REXO5: variants seen among roughly 807,000 people sequenced by gnomAD.
The protein encoded by REXO5 is RNA exonuclease 5.
In REXO5, 48 loss-of-function variants were observed where a neutral mutation model predicts 88.5. The observed-to-expected ratio is 0.54, with a 90% CI of 0.43 to 0.69. REXO5 has a LOEUF of 0.69. REXO5 is among the 30% of genes least tolerant of loss of function. The pLI is 0.00. For synonymous variants in REXO5, 311 were observed against 336.5 expected, an observed-to-expected ratio of 0.92 and a Z score of 0.83; for missense variants, 749 against 912.2, an observed-to-expected ratio of 0.82 and a Z score of 2.30.
intron 6 of REXO5, among the ~76,000 whole-genome samples, chr16:20,823,194 C>G (rs1251344067): frequency 6.6e-6 from 1 of 152,156 alleles, no homozygotes; most frequent in African/African-American, 2.4e-5. Flanking sequence ...AGAGAACTGT[C>G]TATTCAGATC....
intron 18 of REXO5, 92 bp from the exon 19 acceptor site, chr16:20,846,129 T>C: frequency 2.0e-6 from 2 of 985,050 alleles, no homozygotes; most frequent in Admixed American, 3.5e-5. Context: ...TGGAATCCCA[T>C]AGCCTTAGAG....
intron 13 of REXO5, 83 bp from the exon 14 acceptor site, chr16:20,839,672 G>T: frequency 2.4e-6 from 2 of 845,966 alleles, no homozygotes; most frequent in Middle Eastern, 2.5e-4. Flanking sequence ...GACAACTACT[G>T]TTTATATTAT....
At chr16:20,811,498 AT>A (rs569011351) in intron 2 of REXO5, among the ~76,000 whole-genome samples, 4 of 152,170 alleles carry the variant, frequency 2.6e-5, no homozygotes, top group East Asian at 1.9e-4. Flanking sequence ...ATTAAAATTG[AT>A]TTTTTTTAAC....
chr16:20,832,824 G>C (rs2081367085), intron 12 of REXO5, among the ~76,000 whole-genome samples, 179 bp from the exon 13 acceptor site: 2 of 152,122 alleles, frequency 1.3e-5, no homozygotes, highest in Admixed American at 6.5e-5. Flanking sequence ...TCGTTTGGTA[G>C]CTGCTAGTCA....
At chr16:20,827,480 G>T in intron 10 of REXO5, 33 bp downstream of exon 10, 1 of 1,479,042 alleles carries the variant, frequency 6.8e-7, no homozygotes, top group South Asian at 1.2e-5. Flanking sequence ...ATATTGTTCT[G>T]ACAAACTGCA....
intron 5 of REXO5, among the ~76,000 whole-genome samples, chr16:20,820,524 ATATATATATATATATATATATTTTTTT>A (rs2081155799): frequency 1.4e-3 from 5 of 3,468 alleles, no homozygotes; most frequent in South Asian, 0.014. Flanking sequence ...ATATATATAT[ATATATATATATATATATATATTTTTTT>A]TTTTTTTTTT....
intron 13 of REXO5, 126 bp downstream of exon 13, chr16:20,833,249 G>T: frequency 1.0e-6 from 1 of 994,008 alleles, no homozygotes; most frequent in Admixed American, 2.8e-5. Flanking sequence ...AGCCTGGCTT[G>T]TGTCTCACAT....
chr16:20,835,533 C>T (rs1427194711), intron 13 of REXO5, among the ~76,000 whole-genome samples: 2 of 152,128 alleles, frequency 1.3e-5, no homozygotes, highest in Non-Finnish European at 2.9e-5. Flanking sequence ...CTAATCCCTA[C>T]TCAACTGAAT....
chr16:20,840,417 T>C lies in REXO5; in HGVS notation c.1575T>C (p.Phe525=). 6.3e-7 allele frequency: 1 copy of C among 1,581,584 alleles called. No homozygotes were observed. Among genetic ancestry groups the C allele is most frequent in the Middle Eastern group, 1.7e-4 (1 of 5,954 alleles). ...ATCTCAGGGCTCTGAAGAGGCTGTT[T>C]AAAAGCTTTGGCCCAGTCCAGTCAA... ...NCNLRALKRL[F]KSFGPVQSMT... Residue 525 remains phenylalanine (F), a synonymous_variant, in exon 15 of 20, where the codon TTT becomes TTC. Coordinates refer to ENST00000261377, the MANE Select transcript of REXO5 (RefSeq NM_030941.3).
intron 19 of REXO5, among the ~76,000 whole-genome samples, chr16:20,848,095 A>G (rs1269158758): frequency 6.6e-6 from 1 of 152,196 alleles, no homozygotes; most frequent in Non-Finnish European, 1.5e-5. Context: ...TAAAAGTCAC[A>G]TTCTGATTTC....
intron 15 of REXO5, among the ~76,000 whole-genome samples, chr16:20,843,336 C>T (rs1348445724): frequency 6.6e-6 from 1 of 152,098 alleles, no homozygotes; most frequent in African/African-American, 2.4e-5. Flanking sequence ...CTTTTTGACA[C>T]TGCTGTTAGT....
intron 10 of REXO5, 113 bp from the exon 11 acceptor site, chr16:20,828,322 A>G (rs2081287923): frequency 1.5e-6 from 1 of 681,628 alleles, no homozygotes; most frequent in Non-Finnish European, 2.5e-6. Context: ...TTGTGATGCA[A>G]ATCTAATTAT....
At chr16:20,838,873 T>C (rs1027184936) in intron 13 of REXO5, among the ~76,000 whole-genome samples, 3 of 152,180 alleles carry the variant, frequency 2.0e-5, no homozygotes, top group African/African-American at 7.2e-5. Flanking sequence ...AGCCATATTA[T>C]GTCAGATAGG....
Position 20,816,205 on chromosome 16 carries a change from A to G in REXO5, c.468A>G (p.Thr156=), listed in dbSNP as rs1373920270. 6.2e-7 allele frequency: 1 copy of G among 1,611,602 alleles called. No homozygotes were observed. The highest frequency in any genetic ancestry group is 8.5e-7 in the Non-Finnish European group (1 of 1,177,890). ...AAAGAGCTGGAGATCTGCCCAAGAC[A>G]ATGGAAGGTATAGCTATGATGCTGG... The part of the protein sequence containing the change: ...TEQRAGDLPK[T]MEGPLPSNAK... The change falls in exon 5 of 20, where the codon ACA becomes ACG. Residue 156 remains threonine, a synonymous_variant. Transcript: ENST00000261377.
intron 3 of REXO5, 42 bp downstream of exon 3, chr16:20,813,344 C>CTTTTTTTTTTTTTTTTTTTTTTTTTT (rs56875427): frequency 3.9e-6 from 2 of 511,286 alleles, no homozygotes; most frequent in Non-Finnish European, 3.2e-6. Context: ...CCAGCGGTTT[C>CTTTTTTTTTTTTTTTTTTTTTTTTTT]TTTTTTTTTT....
chr16:20,848,241 T>C (rs901046805), intron 19 of REXO5, among the ~76,000 whole-genome samples: 13 of 137,784 alleles, frequency 9.4e-5, no homozygotes, highest in African/African-American at 3.8e-4. Context: ...TTGGGAAACG[T>C]TGGGGAAAAA....
chr16:20,822,743 C>T (rs1344323388), intron 6 of REXO5, among the ~76,000 whole-genome samples: 5 of 152,210 alleles, frequency 3.3e-5, no homozygotes, highest in Non-Finnish European at 5.9e-5. Context: ...TGTATCAGTA[C>T]TACATTTATT....
In REXO5 at chr16:20,846,248, G is replaced by A; in HGVS notation, c.2152G>A (p.Ala718Thr). Residue 718 changes from alanine (A) to threonine (T), a missense_variant, in exon 19 of 20, where the codon GCA becomes ACA. Coordinates refer to ENST00000261377, the MANE Select transcript of REXO5 (RefSeq NM_030941.3). ...TCTGAAACTGGACCACCCGAAGATA[G>A]CAGCCTGGCGCTGGAGCCGGAAGAT... ...QTLKLDHPKIAAWRWSRKIGK... is the reference protein window; with the variant it reads ...QTLKLDHPKITAWRWSRKIGK... 4 of 1,614,054 alleles carry A rather than the reference G, an allele frequency of 2.5e-6. No homozygotes were observed. The highest frequency in any genetic ancestry group is 3.4e-6 in the Non-Finnish European group (4 of 1,179,942).
rs552604740 is a variant in REXO5 at position 20,823,610 on chromosome 16, C to G, written c.617-829C>G. ...CTCTGGGATAGACCATCTTTTGATT[C>G]TTTTCATTGCGATTAGTTGGAAATT... On this transcript the variant is annotated intron_variant, in intron 6 of 19. Coordinates refer to ENST00000261377, the MANE Select transcript of REXO5 (RefSeq NM_030941.3). 3 of 152,192 alleles carry G rather than the reference C, an allele frequency of 2.0e-5. No individual in the cohort carries two copies. In the South Asian group the frequency reaches 6.2e-4, roughly 32 times the overall value. The allele number at this position is 152,192 out of a possible 1,614,324, so 9.4% of individuals were successfully genotyped here. A position where few individuals can be genotyped will look rare whatever the true frequency, so the allele number is the denominator to read the frequency against.
Sources: allele counts gnomAD v4.1 joint callset (sites outside exome capture counted in the v4.1 genomes callset), GRCh38; gene constraint gnomAD v4.1.1; transcripts MANE v1.5; gene names NCBI Gene and HGNC (gene_info 2026-07-23, HGNC 2026-07-21).